CNTNAP2: variants seen among roughly 807,000 people sequenced by gnomAD.
CNTNAP2 encodes the protein contactin-associated protein-like 2.
In CNTNAP2, 98 loss-of-function variants were observed where a neutral mutation model predicts 155.2. The observed-to-expected ratio is 0.63, with a 90% confidence interval of 0.54 to 0.75. The LOEUF is 0.75. Among genes scored for constraint, CNTNAP2 ranks in the 30% least tolerant of loss-of-function variants. The pLI, the probability that CNTNAP2 is intolerant of heterozygous loss-of-function variation, is 0.00. For missense variants in CNTNAP2, 1,727 were observed against 1,688.1 expected (o/e 1.02, Z -0.40); for synonymous variants, 651 against 631.2 (o/e 1.03, Z -0.47).
At chr7:146,967,858 T>C (rs866194469) in intron 3 of CNTNAP2, among the ~76,000 whole-genome samples, 17 of 151,696 alleles carry the variant, frequency 1.1e-4, no homozygotes, top group South Asian at 6.2e-4. Flanking sequence ...TGAATAGGAG[T>C]GGTGAGAGAG....
intron 1 of CNTNAP2, among the ~76,000 whole-genome samples, chr7:146,148,077 C>T (rs912955182): frequency 6.6e-6 from 1 of 151,888 alleles, no homozygotes; most frequent in Non-Finnish European, 1.5e-5. Flanking sequence ...TTAAAGATAC[C>T]AAATTTGTTT....
intron 8 of CNTNAP2, among the ~76,000 whole-genome samples, chr7:147,276,084 A>C (rs1037198448): frequency 6.6e-6 from 1 of 151,708 alleles, no homozygotes; most frequent in African/African-American, 2.4e-5. Context: ...GGATTTTTGC[A>C]TGTGTGTTTT....
chr7:146,627,039 A>C (rs1015720947), intron 1 of CNTNAP2, among the ~76,000 whole-genome samples: 9 of 152,212 alleles, frequency 5.9e-5, no homozygotes, highest in Admixed American at 3.3e-4. Flanking sequence ...ATGGATTTAC[A>C]GTTCCAGATG....
At chr7:147,611,514 T>C (rs1477317267) in intron 12 of CNTNAP2, among the ~76,000 whole-genome samples, 1 of 152,180 alleles carries the variant, frequency 6.6e-6, no homozygotes, top group Non-Finnish European at 1.5e-5. Context: ...TCCTAGAAAA[T>C]GGCTAATGCT....
At chr7:146,415,947 T>C (rs1260179817) in intron 1 of CNTNAP2, among the ~76,000 whole-genome samples, 5 of 152,056 alleles carry the variant, frequency 3.3e-5, no homozygotes, top group Non-Finnish European at 7.4e-5. Flanking sequence ...AGGCTCTCTT[T>C]ATCCAATTGT....
At chr7:147,455,869 A>G (rs951550940) in intron 10 of CNTNAP2, among the ~76,000 whole-genome samples, 5 of 152,152 alleles carry the variant, frequency 3.3e-5, no homozygotes, top group Non-Finnish European at 7.4e-5. Flanking sequence ...GTTCAACACT[A>G]GGAAGTCTAA....
chr7:146,544,483 T>A (rs1359597013), intron 1 of CNTNAP2, among the ~76,000 whole-genome samples: 1 of 152,022 alleles, frequency 6.6e-6, no homozygotes. Context: ...ATATGAATGA[T>A]AACACTATTT....
intron 21 of CNTNAP2, among the ~76,000 whole-genome samples, chr7:148,315,137 CA>C (rs1318757229): frequency 6.6e-6 from 1 of 152,088 alleles, no homozygotes; most frequent in Non-Finnish European, 1.5e-5. Context: ...TCTCACAGAC[CA>C]AAGAGCAGGA....
chr7:148,129,174 C>T (rs1563208787), intron 16 of CNTNAP2, among the ~76,000 whole-genome samples: 1 of 152,300 alleles, frequency 6.6e-6, no homozygotes, highest in East Asian at 1.9e-4. Context: ...TCCCCAAGAC[C>T]TCACTAGAGA....
At chr7:147,257,714 C>T (rs1165029500) in intron 8 of CNTNAP2, among the ~76,000 whole-genome samples, 1 of 152,152 alleles carries the variant, frequency 6.6e-6, no homozygotes, top group African/African-American at 2.4e-5. Flanking sequence ...ATAAGGGACC[C>T]TCTGTGTGAA....
intron 6 of CNTNAP2, among the ~76,000 whole-genome samples, chr7:147,128,123 T>G (rs1362608964): frequency 6.6e-6 from 1 of 152,164 alleles, no homozygotes; most frequent in Non-Finnish European, 1.5e-5. Flanking sequence ...TCCCAAATCC[T>G]AAGTGGTCCC....
At chr7:146,182,496 G>A (rs1798563052) in intron 1 of CNTNAP2, among the ~76,000 whole-genome samples, 1 of 152,072 alleles carries the variant, frequency 6.6e-6, no homozygotes, top group Non-Finnish European at 1.5e-5. Flanking sequence ...AGAATACATA[G>A]AATGTGTTCT....
chr7:146,138,516 C>T (rs1157257218), intron 1 of CNTNAP2, among the ~76,000 whole-genome samples: 1 of 151,972 alleles, frequency 6.6e-6, no homozygotes, highest in African/African-American at 2.4e-5. Flanking sequence ...CAATATAGAC[C>T]ATATCATTCA....
At position 146,695,365 on chromosome 7, in the gene CNTNAP2, G is replaced by A. The variant is rs978018642; in HGVS notation, c.98-78906G>A. 7.2e-5 allele frequency among the ~76,000 whole-genome samples: 11 copies of A among 151,956 alleles called. No individual in the cohort carries two copies. The East Asian group carries it at 2.1e-3, about 29-fold the overall frequency. On this transcript the variant is annotated intron_variant, in intron 1 of 23. Coordinates refer to ENST00000361727, the MANE Select transcript of CNTNAP2 (RefSeq NM_014141.6). Reference sequence around the variant, plus strand: ...ATGATTGTATGATATTTCTTCCTTAGCCTATTGTGATAAATTACATTGATT... The same window carrying A: ...ATGATTGTATGATATTTCTTCCTTAACCTATTGTGATAAATTACATTGATT...
chr7:146,756,376 T>C (rs1321891150), intron 1 of CNTNAP2, among the ~76,000 whole-genome samples: 1 of 152,060 alleles, frequency 6.6e-6, no homozygotes. Context: ...AGTGGTATGC[T>C]TGATAACATT....
intron 21 of CNTNAP2, among the ~76,000 whole-genome samples, chr7:148,349,739 G>T (rs1798394941): frequency 6.6e-6 from 1 of 152,118 alleles, no homozygotes; most frequent in African/African-American, 2.4e-5. Context: ...ACAAATTTTT[G>T]TTTACAAAGC....
At chr7:148,140,207 A>G (rs956266835) in intron 16 of CNTNAP2, among the ~76,000 whole-genome samples, 2 of 152,094 alleles carry the variant, frequency 1.3e-5, no homozygotes, top group Non-Finnish European at 2.9e-5. Context: ...GTGTGTAACA[A>G]TTTGCATGGG....
chr7:147,143,414 A>T (rs1465464411), intron 8 of CNTNAP2, among the ~76,000 whole-genome samples: 1 of 152,124 alleles, frequency 6.6e-6, no homozygotes, highest in Admixed American at 6.5e-5. Flanking sequence ...GTTTGACATG[A>T]TTTATTATAT....
rs10585570 is a variant in CNTNAP2, at chr7:147,301,592, CTGTGTGTGTGTGTGTGTGTGTGTG to C, written c.1498+1332_1498+1355del. Among the ~76,000 whole-genome samples the C allele has an allele frequency of 3.3e-4, 34 of 101,868 alleles. 1 individual carries two copies. The East Asian group carries it at 4.7e-3, about 14-fold the overall frequency. 66.8% of individuals were successfully genotyped at this position (101,868 alleles called of 152,430 possible). On this transcript the variant is annotated intron_variant, in intron 9 of 23. Transcript: ENST00000361727. ...TATATAGCTCTCTCTCTCTCTCTCT[CTGTGTGTGTGTGTGTGTGTGTGTG>C]TGTGTGTGTGTGTGTGTGTGTGTGT...
Sources: allele counts gnomAD v4.1 joint callset (sites outside exome capture counted in the v4.1 genomes callset), GRCh38; gene constraint gnomAD v4.1.1; transcripts MANE v1.5; gene names NCBI Gene and HGNC (gene_info 2026-07-23, HGNC 2026-07-21).